The following SLC49A4 variants were observed in gnomAD, a reference collection of about 807,000 sequenced individuals.
The protein encoded by SLC49A4 is disrupted in renal cancer protein 2.
A neutral mutation model predicts 50.6 loss-of-function variants in SLC49A4; 36 were observed. The ratio of observed to expected loss-of-function variants is 0.71; its 90% CI spans 0.55 to 0.94. The LOEUF is 0.94. Among genes scored for constraint, SLC49A4 ranks in the 40% least tolerant of loss-of-function variants. The pLI is 0.00. For missense variants in SLC49A4, 503 were observed against 605.7 expected (o/e 0.83, Z 1.78); for synonymous variants, 248 against 241.2 (o/e 1.03, Z -0.26).
At chr3:122,852,630 G>A (rs1936940226) in intron 5 of SLC49A4, among the ~76,000 whole-genome samples, 1 of 152,164 alleles carries the variant, frequency 6.6e-6, no homozygotes, top group African/African-American at 2.4e-5. Context: ...ATCACTTAAA[G>A]CTGGGCTTTA....
At chr3:122,828,374 G>A (rs549428080) in intron 3 of SLC49A4, among the ~76,000 whole-genome samples, 1 of 152,352 alleles carries the variant, frequency 6.6e-6, no homozygotes, top group East Asian at 1.9e-4. Flanking sequence ...TGGAGATGCA[G>A]CTTCTAAATC....
chr3:122,808,272 TA>T (rs1478250873), intron 2 of SLC49A4, among the ~76,000 whole-genome samples: 11 of 151,914 alleles, frequency 7.2e-5, no homozygotes, highest in Non-Finnish European at 1.6e-4. Flanking sequence ...AAACCAGCAA[TA>T]AACTAGATAA....
At chr3:122,862,574 A>G (rs1937070521) in intron 7 of SLC49A4, among the ~76,000 whole-genome samples, 1 of 152,238 alleles carries the variant, frequency 6.6e-6, no homozygotes, top group Non-Finnish European at 1.5e-5. Context: ...CAGTTGTACA[A>G]CATTCTGGTG....
chr3:122,873,429 C>T (rs2107584685), intron 8 of SLC49A4, among the ~76,000 whole-genome samples: 1 of 152,264 alleles, frequency 6.6e-6, no homozygotes, highest in South Asian at 2.1e-4. Context: ...ATCCACCCAC[C>T]TCAGCCTCCT....
intron 3 of SLC49A4, 130 bp from the exon 4 acceptor site, chr3:122,833,187 G>A (rs1455826250): frequency 4.7e-6 from 4 of 850,132 alleles, no homozygotes; most frequent in Non-Finnish European, 7.3e-6. Context: ...TCTGTAGTGA[G>A]CCATGTTCAT....
rs761447537 is a variant in SLC49A4, at chr3:122,826,757, C to G, written c.438-43C>G. On this transcript the variant is annotated intron_variant, in intron 2 of 8. Coordinates refer to ENST00000261038, the MANE Select transcript of SLC49A4 (RefSeq NM_032839.3). ...TCATTTCTTTTTGTCTTAGAAAATG[C>G]CTGTTTCAAATACCTCACAGCCTTT... The G allele has an allele frequency of 8.8e-6, 14 of 1,592,390 alleles. 2 individuals are homozygous for G. In the South Asian group the frequency reaches 1.5e-4, roughly 17 times the overall value.
intron 2 of SLC49A4, among the ~76,000 whole-genome samples, chr3:122,815,341 G>T (rs748888157): frequency 1.3e-5 from 2 of 152,062 alleles, no homozygotes; most frequent in Non-Finnish European, 2.9e-5. Flanking sequence ...TGCCCGCCTC[G>T]GCCTCTCAAA....
intron 5 of SLC49A4, among the ~76,000 whole-genome samples, chr3:122,847,957 A>G (rs1364728930): frequency 6.6e-6 from 1 of 152,240 alleles, no homozygotes; most frequent in Non-Finnish European, 1.5e-5. Context: ...TGATATTTAA[A>G]CCAATTGAAA....
chr3:122,839,068 G>T (rs191794774), intron 4 of SLC49A4, among the ~76,000 whole-genome samples: 29 of 152,230 alleles, frequency 1.9e-4, no homozygotes, highest in African/African-American at 7.0e-4. Context: ...GAACAGAATA[G>T]AGAAATCAGA....
intron 2 of SLC49A4, among the ~76,000 whole-genome samples, chr3:122,824,392 G>A (rs1175511130): frequency 2.0e-5 from 3 of 152,112 alleles, no homozygotes; most frequent in Non-Finnish European, 4.4e-5. Flanking sequence ...GGATTTGGAT[G>A]GCCCTTAAAT....
intron 8 of SLC49A4, among the ~76,000 whole-genome samples, chr3:122,876,811 C>CAG (rs1937273151): frequency 1.3e-5 from 2 of 152,334 alleles, no homozygotes; most frequent in Admixed American, 1.3e-4. Flanking sequence ...TCAGTCCCAA[C>CAG]AGAGCCTCAC....
At chr3:122,841,854 AAAT>A (rs2107572149) in intron 4 of SLC49A4, among the ~76,000 whole-genome samples, 1 of 152,344 alleles carries the variant, frequency 6.6e-6, no homozygotes, top group South Asian at 2.1e-4. Flanking sequence ...CACAAAGTAA[AAAT>A]AAATTTCTTA....
Position 122,858,798 on chromosome 3 carries a change from G to A in SLC49A4, c.1011-1277G>A, listed in dbSNP as rs1937022033. Among the ~76,000 whole-genome samples the A allele has an allele frequency of 1.3e-5, 2 of 152,152 alleles. 1 individual carries two copies. Among genetic ancestry groups the A allele is most frequent in the South Asian group, 4.1e-4 (2 of 4,828 alleles). Reference sequence around the variant, plus strand: ...ACAGTTCTGAAGGACAGAATAAATTGTGCAGCCAGAGGATTGTGCCCGTAC... The same window carrying A: ...ACAGTTCTGAAGGACAGAATAAATTATGCAGCCAGAGGATTGTGCCCGTAC... On this transcript the variant is annotated intron_variant, in intron 6 of 8. Coordinates refer to ENST00000261038, the MANE Select transcript of SLC49A4 (RefSeq NM_032839.3).
At chr3:122,853,136 T>C (rs918635062) in intron 5 of SLC49A4, among the ~76,000 whole-genome samples, 1 of 152,204 alleles carries the variant, frequency 6.6e-6, no homozygotes, top group Admixed American at 6.5e-5. Flanking sequence ...AACTCATTTA[T>C]ATCTGGCGAG....
intron 2 of SLC49A4, among the ~76,000 whole-genome samples, chr3:122,822,953 AC>A (rs1183214956): frequency 6.6e-6 from 1 of 152,066 alleles, no homozygotes; most frequent in Non-Finnish European, 1.5e-5. Flanking sequence ...GGTTCTCCAG[AC>A]CATCCGCCCT....
intron 2 of SLC49A4, among the ~76,000 whole-genome samples, chr3:122,811,027 A>G (rs1936290600): frequency 1.3e-5 from 2 of 152,224 alleles, no homozygotes; most frequent in African/African-American, 2.4e-5. Context: ...GGACCTTCCA[A>G]TTAAGACACA....
intron 5 of SLC49A4, among the ~76,000 whole-genome samples, chr3:122,855,604 G>A (rs7637860): frequency 0.45 from 67,977 of 151,874 alleles, 15,994 homozygotes; most frequent in South Asian, 0.55. Context: ...AGATTGCTGT[G>A]AAAAAATGTG....
At chr3:122,851,993 C>CTTTTTTT (rs368287566) in intron 5 of SLC49A4, among the ~76,000 whole-genome samples, 1 of 128,032 alleles carries the variant, frequency 7.8e-6, no homozygotes, top group African/African-American at 2.9e-5. Context: ...ATCTTTGATT[C>CTTTTTTT]TTTTTTTTTT....
intron 6 of SLC49A4, among the ~76,000 whole-genome samples, chr3:122,858,422 A>G (rs576967427): frequency 6.6e-6 from 1 of 152,272 alleles, no homozygotes; most frequent in South Asian, 2.1e-4. Flanking sequence ...TGGGATTAAA[A>G]CAGTCTTTTG....
Sources: allele counts gnomAD v4.1 joint callset (sites outside exome capture counted in the v4.1 genomes callset), GRCh38; gene constraint gnomAD v4.1.1; transcripts MANE v1.5; gene names NCBI Gene and HGNC (gene_info 2026-07-23, HGNC 2026-07-21).